Variants in SLC6A15 observed in about 807,000 individuals in gnomAD.
The protein encoded by SLC6A15 is solute carrier family 6 member 15, also known as sodium-dependent neutral amino acid transporter B(0)AT2.
A neutral mutation model predicts 68.5 loss-of-function variants in SLC6A15; 33 were observed. The ratio of observed to expected loss-of-function variants is 0.48; its 90% confidence interval spans 0.37 to 0.64. The LOEUF (loss-of-function observed/expected upper bound fraction) is 0.64, where lower values mean the gene tolerates loss of function less well. SLC6A15 is among the 30% of genes least tolerant of loss of function. SLC6A15 has a pLI of 0.00. For missense variants in SLC6A15, 747 were observed against 874.3 expected, an observed-to-expected ratio of 0.85 and a Z score of 1.84; for synonymous variants, 347 against 301.0, an observed-to-expected ratio of 1.15 and a Z score of -1.58.
At position 84,872,692 on chromosome 12, in the gene SLC6A15, A is replaced by G; in HGVS notation, c.1212T>C (p.His404=). 6.2e-7 allele frequency: 1 copy of G among 1,612,886 alleles called. No homozygotes were observed. The highest frequency in any genetic ancestry group is 8.5e-7 in the Non-Finnish European group (1 of 1,179,414). ...NLSTVTAEDY[H]LVYDIIQKVK... ...CTTTTTGAATGATGTCATAAACTAA[A>G]TGATAATCTTCTGCAGTAACAGTTG... Residue 404 remains histidine (H), a synonymous_variant, in exon 8 of 12, where the codon CAT becomes CAC. Transcript: ENST00000266682.
At chr12:84,903,431 G>A (rs1872981803) in intron 1 of SLC6A15, among the ~76,000 whole-genome samples, 1 of 151,926 alleles carries the variant, frequency 6.6e-6, no homozygotes, top group South Asian at 2.1e-4. Flanking sequence ...AAAAAACATT[G>A]AGAATAAAAA....
chr12:84,909,729 G>A (rs1873348293), intron 1 of SLC6A15, among the ~76,000 whole-genome samples: 1 of 152,166 alleles, frequency 6.6e-6, no homozygotes, highest in African/African-American at 2.4e-5. Context: ...CACAAGGTGA[G>A]AGGTCCATTG....
At chr12:84,908,063 T>C (rs1873252892) in intron 1 of SLC6A15, among the ~76,000 whole-genome samples, 1 of 152,152 alleles carries the variant, frequency 6.6e-6, no homozygotes, top group Non-Finnish European at 1.5e-5. Context: ...GTTGTGGTTA[T>C]AAAAGGCCAA....
chr12:84,871,240 A>G (rs1243703664), intron 8 of SLC6A15, among the ~76,000 whole-genome samples: 2 of 151,680 alleles, frequency 1.3e-5, no homozygotes, highest in African/African-American at 4.8e-5. Flanking sequence ...AGATTATAAA[A>G]AGCCAATTTT....
intron 6 of SLC6A15, 71 bp downstream of exon 6, chr12:84,876,426 A>G: frequency 1.2e-6 from 1 of 814,280 alleles, no homozygotes; most frequent in Non-Finnish European, 2.0e-6. Context: ...CTTAAATATA[A>G]CTTAGAATAT....
intron 1 of SLC6A15, among the ~76,000 whole-genome samples, chr12:84,897,762 A>C (rs1033268529): frequency 1.3e-5 from 2 of 152,162 alleles, no homozygotes; most frequent in Admixed American, 6.5e-5. Context: ...GATGAGCCCT[A>C]TGGGATGAAG....
rs1870797712 is a variant in SLC6A15, at chr12:84,860,428, G to A, written c.*1204C>T. On this transcript the variant is annotated 3_prime_UTR_variant, in exon 12 of 12. Coordinates refer to ENST00000266682, the MANE Select transcript of SLC6A15 (RefSeq NM_182767.6). ...TGTACACATGGTTTCTTGGGAGGCT[G>A]TAAGTACTTTTTCAAGAATCATAAG... is the stretch of plus-strand genomic sequence containing the variant. 1.3e-5 allele frequency: 2 copies of A among 152,090 alleles called. No homozygotes were observed. Among genetic ancestry groups the A allele is most frequent in the Admixed American group, 1.3e-4 (2 of 15,264 alleles). The allele number at this position is 152,090 out of a possible 1,614,324, so 9.4% of individuals were successfully genotyped here. A position where few individuals can be genotyped will look rare whatever the true frequency, so the allele number is the denominator to read the frequency against.
chr12:84,895,267 C>T (rs973212518), intron 1 of SLC6A15, among the ~76,000 whole-genome samples: 1 of 151,112 alleles, frequency 6.6e-6, no homozygotes, highest in African/African-American at 2.4e-5. Context: ...ATGAATGAAC[C>T]GAAAGGTTTA....
At chr12:84,908,342 C>T (rs1240841762) in intron 1 of SLC6A15, among the ~76,000 whole-genome samples, 2 of 151,696 alleles carry the variant, frequency 1.3e-5, no homozygotes, top group Non-Finnish European at 2.9e-5. Flanking sequence ...ACTAAATATG[C>T]TTCTCCAATA....
intron 6 of SLC6A15, among the ~76,000 whole-genome samples, chr12:84,876,005 T>G (rs139167297): frequency 1.1e-3 from 167 of 151,842 alleles, no homozygotes; most frequent in African/African-American, 3.8e-3. Context: ...AGAGAGTATT[T>G]TAGGGCTCTT....
At chr12:84,899,261 T>G (rs992185267) in intron 1 of SLC6A15, among the ~76,000 whole-genome samples, 3 of 152,050 alleles carry the variant, frequency 2.0e-5, no homozygotes, top group African/African-American at 7.2e-5. Context: ...AGAGTAGAGA[T>G]AAACCTTACT....
chr12:84,862,392 A>G lies in SLC6A15; in HGVS notation c.1819-386T>C, dbSNP rs1319850539. On this transcript the variant is annotated intron_variant, in intron 11 of 11. Transcript: ENST00000266682. ...TAAATCAATGTCGCTCTTAGCCATT[A>G]AATTTCAGGGTAGTTTGTTACTAAG... Among the ~76,000 whole-genome samples the G allele has an allele frequency of 5.3e-5, 8 of 152,296 alleles. No homozygotes were observed. The East Asian group carries it at 1.5e-3, about 29-fold the overall frequency.
chr12:84,860,007 T>C lies in SLC6A15; in HGVS notation c.*1625A>G, dbSNP rs1033328533. On this transcript the variant is annotated 3_prime_UTR_variant, in exon 12 of 12. Transcript: ENST00000266682. The stretch of plus-strand genomic sequence containing the variant: ...ATTTTTTAGTTTTGTATAATGTGCA[T>C]ATACTGCCTATTTATAAAATATTAA... The C allele has an allele frequency of 6.6e-6, 1 of 152,074 alleles. No individual in the cohort carries two copies. The allele number at this position is 152,074 out of a possible 1,614,324, so 9.4% of individuals were successfully genotyped here.
Position 84,885,560 on chromosome 12 carries a change from A to G in SLC6A15, c.449T>C (p.Val150Ala). 2 of 1,611,286 alleles carry G rather than the reference A, an allele frequency of 1.2e-6. No individual in the cohort carries two copies. Among genetic ancestry groups the G allele is most frequent in the Non-Finnish European group, 1.7e-6 (2 of 1,178,906 alleles). The change falls in exon 4 of 12, where the codon GTG becomes GCG. Residue 150 changes from valine to alanine, a missense_variant and splice_region_variant. By Grantham distance (64) the Val-to-Ala change is moderately conservative (BLOSUM62 0). Coordinates refer to ENST00000266682, the MANE Select transcript of SLC6A15 (RefSeq NM_182767.6). ...LGGIGFASCVVCYFVALYYNV... is the reference protein window; with the variant it reads ...LGGIGFASCVACYFVALYYNV... Reference sequence around the variant, plus strand: ...GTAGTAGAGAGCTACAAAATAGCACACCTGCAAAATAAAATGATATCCCAT... The same window carrying G: ...GTAGTAGAGAGCTACAAAATAGCACGCCTGCAAAATAAAATGATATCCCAT...
chr12:84,881,790 T>C, intron 5 of SLC6A15: 1 of 950,990 alleles, frequency 1.1e-6, no homozygotes, highest in Non-Finnish European at 1.3e-6. Flanking sequence ...ACACAAAGCT[T>C]AACCTTTAAT....
At chr12:84,882,918 T>G (rs1871889044) in intron 5 of SLC6A15, 1 of 693,022 alleles carries the variant, frequency 1.4e-6, no homozygotes, top group Non-Finnish European at 1.8e-6. Flanking sequence ...CATCATTTAT[T>G]ATTATTGTTA....
In SLC6A15 at chr12:84,861,849, C is replaced by G; in HGVS notation, c.1976G>C (p.Arg659Thr). The G allele has an allele frequency of 1.2e-6, 2 of 1,613,908 alleles. No homozygotes were observed. Among genetic ancestry groups the G allele is most frequent in the Non-Finnish European group, 1.7e-6 (2 of 1,179,918 alleles). Residue 659 changes from arginine to threonine, a missense_variant, in exon 12 of 12, where the codon AGA becomes ACA. Physicochemically the swap from Arg to Thr is moderately conservative, Grantham distance 71. Coordinates refer to ENST00000266682, the MANE Select transcript of SLC6A15 (RefSeq NM_182767.6). Reference sequence around the variant, plus strand: ...CACAGGCTCTTTCAGGACCCTTCCTCTCTTATAGGTCACAGATGCTAAATT... The same window carrying G: ...CACAGGCTCTTTCAGGACCCTTCCTGTCTTATAGGTCACAGATGCTAAATT... ...SGNLASVTYKRGRVLKEPVNL... is the reference protein window; with the variant it reads ...SGNLASVTYKTGRVLKEPVNL...
intron 8 of SLC6A15, among the ~76,000 whole-genome samples, chr12:84,871,436 T>G (rs2120569315): frequency 6.6e-6 from 1 of 152,210 alleles, no homozygotes. Context: ...AGAAAGAAAT[T>G]GAATTACTTG....
intron 5 of SLC6A15, among the ~76,000 whole-genome samples, chr12:84,879,766 T>G (rs1399520858): frequency 6.8e-6 from 1 of 147,548 alleles, no homozygotes; most frequent in East Asian, 1.9e-4. Context: ...AATTTAAGTT[T>G]TTCTTCTTGT....
Sources: gnomAD v4.1 joint callset for allele counts (sites outside exome capture counted in the v4.1 genomes callset) on GRCh38, gnomAD v4.1.1 for gene constraint, MANE v1.5 for transcripts, NCBI Gene and HGNC (gene_info 2026-07-23, HGNC 2026-07-21) for gene names.